ABCG1: variants seen among roughly 807,000 people sequenced by gnomAD.
The protein encoded by ABCG1 is ATP-binding cassette sub-family G member 1.
Under a neutral mutation model 69.2 loss-of-function variants are expected in ABCG1, and 29 were observed. The observed-to-expected ratio is 0.42, with a 90% CI of 0.31 to 0.57. The LOEUF is 0.57. Among genes scored for constraint, ABCG1 ranks in the 20% least tolerant of loss-of-function variants. The pLI, the probability that ABCG1 is intolerant of heterozygous loss-of-function variation, is 0.15. For synonymous variants in ABCG1, 370 were observed against 374.8 expected, an observed-to-expected ratio of 0.99 and a Z score of 0.15; for missense variants, 718 against 898.1, an observed-to-expected ratio of 0.80 and a Z score of 2.56.
At chr21:42,266,609 C>G (rs2068510122) in intron 2 of ABCG1, among the ~76,000 whole-genome samples, 1 of 152,180 alleles carries the variant, frequency 6.6e-6, no homozygotes. Flanking sequence ...CTATCTGGAG[C>G]ACTCTTCTAT....
At chr21:42,245,180 G>C (rs532861933) in intron 2 of ABCG1, among the ~76,000 whole-genome samples, 1 of 152,104 alleles carries the variant, frequency 6.6e-6, no homozygotes, top group Admixed American at 6.5e-5. Context: ...ACCAGGGAGT[G>C]GAAAGGGTGA....
intron 2 of ABCG1, among the ~76,000 whole-genome samples, chr21:42,258,508 A>G (rs570737768): frequency 1.3e-5 from 2 of 151,368 alleles, no homozygotes; most frequent in East Asian, 3.9e-4. Context: ...CCACACCCTG[A>G]GTCCCCAGTG....
intron 2 of ABCG1, among the ~76,000 whole-genome samples, chr21:42,231,908 A>C (rs935592644): frequency 1.2e-4 from 18 of 152,226 alleles, no homozygotes; most frequent in African/African-American, 4.3e-4. Flanking sequence ...CCCCTGGTGC[A>C]GTGTCGTGGC....
At chr21:42,203,348 G>T (rs1054710156) in intron 2 of ABCG1, among the ~76,000 whole-genome samples, 18 of 152,196 alleles carry the variant, frequency 1.2e-4, no homozygotes, top group Admixed American at 9.2e-4. Context: ...CATTTTATGG[G>T]TCATGCTTTT....
intron 2 of ABCG1, among the ~76,000 whole-genome samples, chr21:42,234,873 C>T (rs1425493340): frequency 6.6e-6 from 1 of 151,470 alleles, no homozygotes; most frequent in Non-Finnish European, 1.5e-5. Context: ...CATCCGCCGC[C>T]ACCGCCCGCG....
At chr21:42,229,236 T>C (rs910005912) in intron 2 of ABCG1, among the ~76,000 whole-genome samples, 1 of 152,338 alleles carries the variant, frequency 6.6e-6, no homozygotes, top group Non-Finnish European at 1.5e-5. Flanking sequence ...AAGTGTGACG[T>C]TGGGTCAGGG....
At chr21:42,201,172 T>C (rs539975009) in intron 1 of ABCG1, among the ~76,000 whole-genome samples, 1 of 152,288 alleles carries the variant, frequency 6.6e-6, no homozygotes, top group Non-Finnish European at 1.5e-5. Context: ...GTTGATTTAT[T>C]ATGGTCTCTG....
At chr21:42,229,542 A>AC (rs1301776726) in intron 2 of ABCG1, among the ~76,000 whole-genome samples, 3 of 152,078 alleles carry the variant, frequency 2.0e-5, no homozygotes, top group Non-Finnish European at 4.4e-5. Context: ...ACATAGTGAA[A>AC]CCCTGTCTCT....
At position 42,225,810 on chromosome 21, in the gene ABCG1, C is replaced by T. The variant is rs1338787074; in HGVS notation, c.182C>T (p.Thr61Met). The change falls in exon 2 of 15, where the codon ACG becomes ATG. Residue 61 changes from threonine (T) to methionine (M), a missense_variant. By Grantham distance (81) the Thr-to-Met change is moderately conservative (BLOSUM62 -1). This residue lies in a region of ABCG1 where 514 missense variants were observed against 574.3 expected (regional missense o/e 0.90). Coordinates refer to ENST00000398449, the MANE Select transcript of ABCG1 (RefSeq NM_016818.3). ...CTGAAAAAAGTAGATAATAACCTCA[C>T]GGAAGCCCAGCGCTTCTCCTCCTTG... Reference protein sequence around the residue: ...GHLKKVDNNLTEAQRFSSLPR... With the variant: ...GHLKKVDNNLMEAQRFSSLPR... The T allele has an allele frequency of 7.4e-6, 12 of 1,613,842 alleles. No individual in the cohort carries two copies. The Admixed American group carries it at 1.0e-4, about 13-fold the overall frequency.
Position 42,278,704 on chromosome 21 carries a change from C to T in ABCG1, c.588+1759C>T, listed in dbSNP as rs118030711. On this transcript the variant is annotated intron_variant, in intron 5 of 14. Coordinates refer to ENST00000398449, the MANE Select transcript of ABCG1 (RefSeq NM_016818.3). ...CCAGCCAGTGTGGGGGACTTCGTTA[C>T]AGCAGTGAACGTAACAAACGAGAGC... Among the ~76,000 whole-genome samples the T allele has an allele frequency of 4.5e-3, 685 of 152,246 alleles. 18 individuals are homozygous for T. The East Asian group carries it at 0.058, about 13-fold the overall frequency.
intron 2 of ABCG1, among the ~76,000 whole-genome samples, chr21:42,233,872 T>G (rs1386514009): frequency 6.6e-6 from 1 of 152,222 alleles, no homozygotes. Context: ...TCTGTTTCTT[T>G]TACTGTTATA....
Position 42,288,411 on chromosome 21 carries a change from T to A in ABCG1, c.1224+99T>A. The A allele has an allele frequency of 1.1e-6, 1 of 904,498 alleles. No homozygotes were observed. The highest frequency in any genetic ancestry group is 1.7e-6 in the Non-Finnish European group (1 of 582,310). 56.0% of individuals were successfully genotyped at this position (904,498 alleles called of 1,614,324 possible). A position where few individuals can be genotyped will look rare whatever the true frequency, so the allele number is the denominator to read the frequency against. On this transcript the variant is annotated intron_variant, in intron 10 of 14. Transcript: ENST00000398449. This position sits in a 1 kb window ranked among gnomAD's most constrained non-coding sequence, Gnocchi z 4.8. ...GTGTTCGTTCATTCTCACATTGCTA[T>A]AAAGAAATTCATGAGGCCAGGCATG...
At chr21:42,201,026 C>G (rs2067502565) in intron 1 of ABCG1, among the ~76,000 whole-genome samples, 1 of 151,996 alleles carries the variant, frequency 6.6e-6, no homozygotes, top group African/African-American at 2.4e-5. Flanking sequence ...ACCTATCAAC[C>G]AACCACCTAG....
chr21:42,220,148 A>G, intron 1 of ABCG1: 1 of 1,044,332 alleles, frequency 9.6e-7, no homozygotes, highest in South Asian at 1.5e-5. Context: ...CACCCACCTC[A>G]CCTTATCCTA....
chr21:42,250,498 C>T (rs2068202832), intron 2 of ABCG1, among the ~76,000 whole-genome samples: 1 of 152,182 alleles, frequency 6.6e-6, no homozygotes, highest in African/African-American at 2.4e-5. Flanking sequence ...CGTGGAGGAG[C>T]ACAGTCCAGC....
chr21:42,282,719 A>T (rs2068835732), intron 6 of ABCG1, among the ~76,000 whole-genome samples: 1 of 152,102 alleles, frequency 6.6e-6, no homozygotes, highest in Non-Finnish European at 1.5e-5. Context: ...TGGCTCAGCC[A>T]CTCTGAGGGC....
chr21:42,283,886 C>T (rs8132392), intron 6 of ABCG1, among the ~76,000 whole-genome samples: 145 of 8,064 alleles, frequency 0.018, 2 homozygotes, highest in Admixed American at 0.035. Flanking sequence ...CCCGCCTGGA[C>T]AGTTGCAAAG....
intron 2 of ABCG1, among the ~76,000 whole-genome samples, chr21:42,207,327 T>C (rs1446340244): frequency 2.0e-5 from 3 of 152,218 alleles, no homozygotes; most frequent in African/African-American, 7.2e-5. Context: ...TTTCCCAGTT[T>C]ATTAATTTTT....
chr21:42,283,271 C>T (rs982761627), intron 6 of ABCG1, among the ~76,000 whole-genome samples: 1 of 152,216 alleles, frequency 6.6e-6, no homozygotes, highest in Non-Finnish European at 1.5e-5. Context: ...TAACAGCCCA[C>T]AGTGTCTATA....
Sources: allele counts gnomAD v4.1 joint callset (sites outside exome capture counted in the v4.1 genomes callset), GRCh38; gene constraint gnomAD v4.1.1; regional missense constraint gnomAD v4.1.1; non-coding constraint Gnocchi (gnomAD v3.1); transcripts MANE v1.5; gene names NCBI Gene and HGNC (gene_info 2026-07-23, HGNC 2026-07-21).